The following GRIK1 variants were observed in gnomAD, a reference collection of about 807,000 sequenced individuals.
GRIK1 encodes the protein glutamate receptor ionotropic, kainate 1.
GRIK1 carries 69 observed loss-of-function variants against 105.7 expected under a neutral mutation model. That is an observed-to-expected ratio of 0.65 (90% CI 0.54 to 0.80). The LOEUF is 0.80. Among genes scored for constraint, GRIK1 ranks in the 30% least tolerant of loss-of-function variants. GRIK1 has a pLI of 0.00. For missense variants in GRIK1, 1,109 were observed against 1,167.3 expected (o/e 0.95, Z 0.73); for synonymous variants, 438 against 431.3 (o/e 1.02, Z -0.19).
At chr21:29,702,212 G>GTGA (rs1035629754) in intron 1 of GRIK1, among the ~76,000 whole-genome samples, 1 of 152,098 alleles carries the variant, frequency 6.6e-6, no homozygotes, top group African/African-American at 2.4e-5. Flanking sequence ...TAATACTTGG[G>GTGA]TGATGAAATT....
intron 1 of GRIK1, among the ~76,000 whole-genome samples, chr21:29,888,205 C>T (rs78155588): frequency 0.5 from 30,997 of 61,992 alleles, 11,135 homozygotes; most frequent in Admixed American, 0.67. Context: ...TTCTCTCTCT[C>T]TCTCTCTCTC....
chr21:29,841,107 A>G (rs1403008163), intron 1 of GRIK1, among the ~76,000 whole-genome samples: 2 of 152,186 alleles, frequency 1.3e-5, no homozygotes, highest in East Asian at 1.9e-4. Context: ...TATATTAAAC[A>G]CATTTTAATT....
intron 1 of GRIK1, among the ~76,000 whole-genome samples, chr21:29,791,084 A>T (rs2066400440): frequency 1.3e-5 from 2 of 152,276 alleles, no homozygotes; most frequent in African/African-American, 4.8e-5. Flanking sequence ...GTTGGGCATC[A>T]TCCAGGAACA....
intron 1 of GRIK1, among the ~76,000 whole-genome samples, chr21:29,904,819 T>C (rs991608503): frequency 1.3e-5 from 2 of 152,204 alleles, no homozygotes; most frequent in Middle Eastern, 3.4e-3. Flanking sequence ...GATCAACACT[T>C]CTCAGTGGAG....
chr21:29,801,754 G>T (rs975460571), intron 1 of GRIK1, among the ~76,000 whole-genome samples: 1 of 152,076 alleles, frequency 6.6e-6, no homozygotes, highest in Non-Finnish European at 1.5e-5. Context: ...AAAATTATTG[G>T]TTAAAGAAAT....
intron 1 of GRIK1, among the ~76,000 whole-genome samples, chr21:29,717,506 G>A (rs1454885044): frequency 6.6e-6 from 1 of 152,246 alleles, no homozygotes; most frequent in Non-Finnish European, 1.5e-5. Flanking sequence ...GTGCAACAAG[G>A]AGTCAAAGGG....
chr21:29,782,307 C>T (rs540900788), intron 1 of GRIK1, among the ~76,000 whole-genome samples: 12 of 152,008 alleles, frequency 7.9e-5, no homozygotes, highest in African/African-American at 2.7e-4. Context: ...AGGATGGTCT[C>T]GATCTCCTGA....
At chr21:29,715,915 C>A (rs971144011) in intron 1 of GRIK1, among the ~76,000 whole-genome samples, 4 of 151,768 alleles carry the variant, frequency 2.6e-5, no homozygotes, top group African/African-American at 9.7e-5. Flanking sequence ...TGGCTATGTC[C>A]CCACCCATAT....
chr21:29,639,045 C>A (rs973576140), intron 7 of GRIK1, among the ~76,000 whole-genome samples: 2 of 152,182 alleles, frequency 1.3e-5, no homozygotes, highest in Admixed American at 1.3e-4. Flanking sequence ...GTTGGTCTTT[C>A]CCTAAATCCC....
intron 1 of GRIK1, among the ~76,000 whole-genome samples, chr21:29,880,822 A>G (rs1275258564): frequency 2.0e-5 from 3 of 152,122 alleles, no homozygotes; most frequent in African/African-American, 7.2e-5. Flanking sequence ...CTCAGGCCCA[A>G]CCATGGGTTT....
chr21:29,547,600 C>G (rs1033241032), intron 16 of GRIK1, among the ~76,000 whole-genome samples: 1 of 152,214 alleles, frequency 6.6e-6, no homozygotes, highest in Non-Finnish European at 1.5e-5. Context: ...ATGTGATTCC[C>G]AAGTCACCTG....
At chr21:29,639,101 A>T (rs2062456269) in intron 7 of GRIK1, among the ~76,000 whole-genome samples, 1 of 152,230 alleles carries the variant, frequency 6.6e-6, no homozygotes, top group Admixed American at 6.5e-5. Context: ...GGACAGGTCT[A>T]GTCCAGCTCC....
At chr21:29,837,697 T>G (rs1377160944) in intron 1 of GRIK1, among the ~76,000 whole-genome samples, 3 of 152,222 alleles carry the variant, frequency 2.0e-5, no homozygotes, top group African/African-American at 4.8e-5. Flanking sequence ...GAAAATACAT[T>G]TGTTTATAAA....
At chr21:29,814,928 T>C (rs1385630755) in intron 1 of GRIK1, among the ~76,000 whole-genome samples, 2 of 152,146 alleles carry the variant, frequency 1.3e-5, no homozygotes, top group Non-Finnish European at 2.9e-5. Context: ...CTTACCCGCC[T>C]GTGCAATCTT....
chr21:29,561,731 A>G lies in GRIK1; in HGVS notation c.2249T>C (p.Leu750Pro). 6.2e-7 allele frequency: 1 copy of G among 1,613,978 alleles called. No individual in the cohort carries two copies. The highest frequency in any genetic ancestry group is 1.6e-4 in the Middle Eastern group (1 of 6,062). The change falls in exon 15 of 18, where the codon CTG becomes CCG. Residue 750 changes from leucine (L) to proline (P), a missense_variant. Coordinates refer to ENST00000327783, the MANE Select transcript of GRIK1 (RefSeq NM_001330994.2). ...CTCAATGCTGGTGGACTCCATCAGC[A>G]GCGCGTAGTCTGTGGTGAGCACTCT... ...IQRVLTTDYA[L>P]LMESTSIEYV... is the part of the protein sequence containing the mutation.
At chr21:29,657,485 C>A (rs1285260409) in intron 4 of GRIK1, 1 of 152,150 alleles carries the variant, frequency 6.6e-6, no homozygotes, top group East Asian at 1.9e-4. Context: ...GCTGTTATTG[C>A]AAAAAGAACC....
At chr21:29,566,661 G>A (rs528653732) in intron 14 of GRIK1, among the ~76,000 whole-genome samples, 1 of 151,622 alleles carries the variant, frequency 6.6e-6, no homozygotes, top group East Asian at 1.9e-4. Context: ...AATAGTAACA[G>A]CAACCAACAT....
At chr21:29,576,136 A>G (rs1057211219) in intron 14 of GRIK1, among the ~76,000 whole-genome samples, 1 of 152,006 alleles carries the variant, frequency 6.6e-6, no homozygotes, top group African/African-American at 2.4e-5. Flanking sequence ...TGTTCTTTTC[A>G]TAAGTAGAGT....
chr21:29,829,624 G>A lies in GRIK1; in HGVS notation c.118+109759C>T, dbSNP rs151009996. Among the ~76,000 whole-genome samples, 322 of 152,214 alleles carry A rather than the reference G, an allele frequency of 2.1e-3. 1 individual carries two copies. The highest frequency in any genetic ancestry group is 7.2e-3 in the African/African-American group (297 of 41,538). ...TTCTAAATGATCGATTCTGCCACCCGAGCAGAAACACAATGAGCTGATGCA... is the reference window on the plus strand; with the variant it reads ...TTCTAAATGATCGATTCTGCCACCCAAGCAGAAACACAATGAGCTGATGCA... On this transcript the variant is annotated intron_variant, in intron 1 of 17. Transcript: ENST00000327783.
Sources: gnomAD v4.1 joint callset for allele counts (sites outside exome capture counted in the v4.1 genomes callset) on GRCh38, gnomAD v4.1.1 for gene constraint, MANE v1.5 for transcripts, NCBI Gene and HGNC (gene_info 2026-07-23, HGNC 2026-07-21) for gene names.